SLC5A10: variants seen among roughly 807,000 people sequenced by gnomAD.
SLC5A10 encodes solute carrier family 5 member 10.
A neutral mutation model predicts 68.9 loss-of-function variants in SLC5A10; 55 were observed. The ratio of observed to expected loss-of-function variants is 0.80; its 90% CI spans 0.64 to 1.00. The LOEUF (loss-of-function observed/expected upper bound fraction) is 1.00, where lower values mean the gene tolerates loss of function less well. Among genes scored for constraint, SLC5A10 ranks in the 50% least tolerant of loss-of-function variants. The pLI is 0.00. For synonymous variants in SLC5A10, 344 were observed against 344.8 expected, an observed-to-expected ratio of 1.00 and a Z score of 0.02; for missense variants, 732 against 819.3, an observed-to-expected ratio of 0.89 and a Z score of 1.30.
At chr17:19,008,813 A>ATTT (rs1207007118) in intron 9 of SLC5A10, among the ~76,000 whole-genome samples, 1 of 146,116 alleles carries the variant, frequency 6.8e-6, no homozygotes, top group Non-Finnish European at 1.5e-5. Flanking sequence ...TATTATTATT[A>ATTT]TTTTTTTTTT....
chr17:18,992,246 C>T (rs571303200), intron 9 of SLC5A10, among the ~76,000 whole-genome samples: 2 of 152,312 alleles, frequency 1.3e-5, no homozygotes, highest in Admixed American at 1.3e-4. Flanking sequence ...CTCGAATCCC[C>T]CACCTCCCTC....
At chr17:18,981,173 C>T (rs780096665) in intron 9 of SLC5A10, among the ~76,000 whole-genome samples, 2 of 152,154 alleles carry the variant, frequency 1.3e-5, no homozygotes, top group Non-Finnish European at 2.9e-5. Flanking sequence ...TGCCCAGGAT[C>T]GCAGAGGAGT....
chr17:18,950,752 G>C (rs2042357412), upstream of SLC5A10: 1 of 950,932 alleles, frequency 1.1e-6, no homozygotes, highest in Non-Finnish European at 1.3e-6. Flanking sequence ...GTCTCCCTCT[G>C]TTGCCCAGGC....
chr17:19,016,813 C>T (rs1163977965), intron 11 of SLC5A10, among the ~76,000 whole-genome samples: 1 of 152,196 alleles, frequency 6.6e-6, no homozygotes, highest in African/African-American at 2.4e-5. Context: ...GACCCTGCCC[C>T]TCTCTGACCA....
Position 19,017,165 on chromosome 17 carries a change from C to A in SLC5A10, c.1241+1966C>A. On this transcript the variant is annotated intron_variant, in intron 11 of 14. Coordinates refer to ENST00000395645, the MANE Select transcript of SLC5A10 (RefSeq NM_001042450.4). The surrounding 1 kb of genome is among the most constrained non-coding windows in gnomAD (Gnocchi z 5.6). ...GAGCAAGGCACAAGGCTGCGTGGTG[C>A]AGGGCAGGTTGCTCACCCTCTCTGG... The A allele has an allele frequency of 1.2e-6, 1 of 841,570 alleles. No individual in the cohort carries two copies. The highest frequency in any genetic ancestry group is 1.9e-6 in the Non-Finnish European group (1 of 522,618). The allele number at this position is 841,570 out of a possible 1,614,324, so 52.1% of individuals were successfully genotyped here.
intron 8 of SLC5A10, among the ~76,000 whole-genome samples, chr17:18,972,016 G>A (rs1002389720): frequency 2.0e-5 from 3 of 152,208 alleles, no homozygotes; most frequent in Non-Finnish European, 2.9e-5. Context: ...TTCCGACACA[G>A]GCCTGGGACG....
chr17:18,973,906 T>TTTTTTC (rs1567787371), intron 8 of SLC5A10, among the ~76,000 whole-genome samples: 1 of 143,084 alleles, frequency 7.0e-6, no homozygotes, highest in East Asian at 2.0e-4. Context: ...TTTTTTTTTT[T>TTTTTTC]CCCAGAGACA....
rs539656306 is a variant in SLC5A10, at chr17:19,017,574, G to A, written c.1242-1849G>A. The A allele has an allele frequency of 3.3e-6, 2 of 608,728 alleles. No homozygotes were observed. The highest frequency in any genetic ancestry group is 1.9e-5 in the African/African-American group (1 of 53,996). The allele number at this position is 608,728 out of a possible 1,614,324, so 37.7% of individuals were successfully genotyped here. ...CTGGAGGAGCCGTCACAGGCTGGGG[G>A]AGAGCGATGACCCGCCCCCACTCCC... On this transcript the variant is annotated intron_variant, in intron 11 of 14. Transcript: ENST00000395645. The surrounding 1 kb of genome is among the most constrained non-coding windows in gnomAD (Gnocchi z 5.6).
chr17:18,978,256 G>A (rs2043036950), intron 9 of SLC5A10: 2 of 1,605,320 alleles, frequency 1.2e-6, no homozygotes, highest in Non-Finnish European at 1.7e-6. Flanking sequence ...GCTCTGGACG[G>A]GGCCTGCTGT....
chr17:18,990,605 T>G (rs1364239444), intron 9 of SLC5A10, among the ~76,000 whole-genome samples: 2 of 152,184 alleles, frequency 1.3e-5, no homozygotes, highest in African/African-American at 4.8e-5. Context: ...ACTCCCCACA[T>G]TGCCCTCAGC....
intron 3 of SLC5A10, 96 bp downstream of exon 3, chr17:18,959,335 C>A: frequency 1.5e-6 from 2 of 1,324,358 alleles, no homozygotes; most frequent in South Asian, 1.2e-5. Context: ...TGGTGTCAGC[C>A]GATGTCCAGG....
At chr17:19,016,701 C>G (rs550235373) in intron 11 of SLC5A10, among the ~76,000 whole-genome samples, 1 of 152,336 alleles carries the variant, frequency 6.6e-6, no homozygotes, top group African/African-American at 2.4e-5. Flanking sequence ...TCTCACTGGG[C>G]AGGACACTTC....
At position 19,008,562 on chromosome 17, in the gene SLC5A10, C is replaced by A. The variant is rs184836659; in HGVS notation, c.983-4848C>A. Among the ~76,000 whole-genome samples, 310 of 150,500 alleles carry A rather than the reference C, an allele frequency of 2.1e-3. 2 individuals are homozygous for A. The highest frequency in any genetic ancestry group is 7.1e-3 in the African/African-American group (292 of 40,848). ...TTGCCCAGGCTGGCGTGCAGTGTCA[C>A]GATCTCAGCTCACTGCAAGCTCCGC... On this transcript the variant is annotated intron_variant, in intron 9 of 14. Transcript: ENST00000395645.
intron 9 of SLC5A10, among the ~76,000 whole-genome samples, chr17:19,005,912 G>C (rs528978669): frequency 1.3e-5 from 2 of 152,292 alleles, no homozygotes; most frequent in East Asian, 3.9e-4. Context: ...TGATCCCAGC[G>C]GGGGAGCCCT....
chr17:18,989,399 T>C (rs925774962), intron 9 of SLC5A10, among the ~76,000 whole-genome samples: 3 of 152,240 alleles, frequency 2.0e-5, no homozygotes, highest in African/African-American at 7.2e-5. Flanking sequence ...CAAAGTGAGC[T>C]CACCAGGCTG....
intron 1 of SLC5A10, among the ~76,000 whole-genome samples, chr17:18,952,953 G>T (rs1055359727): frequency 1.3e-5 from 2 of 152,054 alleles, no homozygotes; most frequent in African/African-American, 4.8e-5. Flanking sequence ...CAAGGGAAGG[G>T]CTCCTCTGGT....
At chr17:18,975,871 T>A (rs963303257) in intron 8 of SLC5A10, 3 of 152,052 alleles carry the variant, frequency 2.0e-5, no homozygotes, top group African/African-American at 7.2e-5. Flanking sequence ...GGTCTGTGAA[T>A]ATCTCAATAA....
chr17:18,956,465 GTT>G (rs750867503), intron 1 of SLC5A10, among the ~76,000 whole-genome samples: 1,216 of 97,856 alleles, frequency 0.012, 8 homozygotes, highest in African/African-American at 0.044. Context: ...TTTTCTTTCT[GTT>G]TTTTTTTTTT....
chr17:18,972,386 C>T (rs541160879), intron 8 of SLC5A10, among the ~76,000 whole-genome samples: 1 of 152,336 alleles, frequency 6.6e-6, no homozygotes, highest in South Asian at 2.1e-4. Flanking sequence ...TCCCACGTGG[C>T]CTACCCTGGG....
Sources: allele counts gnomAD v4.1 joint callset (sites outside exome capture counted in the v4.1 genomes callset), GRCh38; gene constraint gnomAD v4.1.1; non-coding constraint Gnocchi (gnomAD v3.1); transcripts MANE v1.5; gene names NCBI Gene and HGNC (gene_info 2026-07-23, HGNC 2026-07-21).